The following TBC1D4 variants were observed in gnomAD, a reference collection of about 807,000 sequenced individuals.
TBC1D4 encodes the protein TBC (Tre-2, BUB2, CDC16) domain-containing protein.
A neutral mutation model predicts 142.5 loss-of-function variants in TBC1D4; 121 were observed. The ratio of observed to expected loss-of-function variants is 0.85; its 90% confidence interval spans 0.73 to 0.99. The LOEUF (loss-of-function observed/expected upper bound fraction) is 0.99. TBC1D4 is among the 50% of genes least tolerant of loss of function. The probability of loss-of-function intolerance (pLI) is 0.00; values close to 1 mark genes in which losing one functional copy is unlikely to be tolerated. For synonymous variants in TBC1D4, 630 were observed against 628.2 expected, an observed-to-expected ratio of 1.00 and a Z score of -0.04; for missense variants, 1,475 against 1,606.6, an observed-to-expected ratio of 0.92 and a Z score of 1.40.
At chr13:75,373,825 C>T (rs191525916) in intron 1 of TBC1D4, among the ~76,000 whole-genome samples, 190 of 152,286 alleles carry the variant, frequency 1.2e-3, no homozygotes, top group African/African-American at 4.2e-3. Context: ...GAAAGGTATG[C>T]TTCTTTGTTC....
chr13:75,468,305 C>T (rs769345826), intron 1 of TBC1D4, among the ~76,000 whole-genome samples: 16 of 152,200 alleles, frequency 1.1e-4, no homozygotes, highest in Non-Finnish European at 2.1e-4. Flanking sequence ...TTCTCAAGCA[C>T]TGTGTTACTA....
At chr13:75,410,133 A>G in intron 1 of TBC1D4, among the ~76,000 whole-genome samples, 2 of 152,346 alleles carry the variant, frequency 1.3e-5, no homozygotes, top group African/African-American at 4.8e-5. Flanking sequence ...ATAACGGTGT[A>G]TGCTCATGAT....
chr13:75,352,036 G>A (rs1881647308), intron 4 of TBC1D4, among the ~76,000 whole-genome samples: 1 of 152,088 alleles, frequency 6.6e-6, no homozygotes, highest in African/African-American at 2.4e-5. Context: ...TATACTTCTT[G>A]TCCCTAGGCT....
intron 4 of TBC1D4, among the ~76,000 whole-genome samples, chr13:75,353,044 G>A (rs1404040227): frequency 6.6e-6 from 1 of 152,148 alleles, no homozygotes; most frequent in African/African-American, 2.4e-5. Flanking sequence ...CATGGTTTGA[G>A]AGATCCTAGC....
Position 75,362,029 on chromosome 13 carries a change from G to A in TBC1D4, c.1077C>T (p.Phe359=). 6.2e-7 allele frequency: 1 copy of A among 1,614,148 alleles called. No homozygotes were observed. The highest frequency in any genetic ancestry group is 8.5e-7 in the Non-Finnish European group (1 of 1,180,026). ...GACAGCGTCCGATCAGGTGTACCTG[G>A]AAGAGCATGGTCCTGTTCTTCTCCG... The part of the protein sequence containing the change: ...SDSEKNRTML[F]QVGRFEINLI... The change falls in exon 2 of 21, where the codon TTC becomes TTT. Residue 359 remains phenylalanine (F), a synonymous_variant. Transcript: ENST00000377636. The surrounding 1 kb of genome is among the most constrained non-coding windows in gnomAD (Gnocchi z 4.2).
At chr13:75,293,344 C>T (rs1235943189) in intron 18 of TBC1D4, among the ~76,000 whole-genome samples, 1 of 152,082 alleles carries the variant, frequency 6.6e-6, no homozygotes, top group Non-Finnish European at 1.5e-5. Flanking sequence ...TGCCAGTCTC[C>T]ATTGTTTTAT....
Position 75,289,122 on chromosome 13 carries a change from G to A in TBC1D4, c.3487-12C>T, listed in dbSNP as rs1018751819. 6 of 1,613,152 alleles carry A rather than the reference G, an allele frequency of 3.7e-6. No homozygotes were observed. Among genetic ancestry groups the A allele is most frequent in the African/African-American group, 1.3e-5 (1 of 74,826 alleles). On this transcript the variant is annotated splice_polypyrimidine_tract_variant and intron_variant, in intron 19 of 20. Transcript: ENST00000377636. ...TCCATCTCAAAAACCTGCCATGAAAGTATCATGGGTTAGGCTAGCCTTTGG... is the reference window on the plus strand; with the variant it reads ...TCCATCTCAAAAACCTGCCATGAAAATATCATGGGTTAGGCTAGCCTTTGG...
At chr13:75,464,546 G>A (rs1888093198) in intron 1 of TBC1D4, among the ~76,000 whole-genome samples, 1 of 152,210 alleles carries the variant, frequency 6.6e-6, no homozygotes, top group East Asian at 1.9e-4. Flanking sequence ...GTAAAACTCT[G>A]TTCAGGGCTC....
chr13:75,355,622 G>C (rs1455802116), intron 4 of TBC1D4, among the ~76,000 whole-genome samples: 1 of 152,156 alleles, frequency 6.6e-6, no homozygotes, highest in African/African-American at 2.4e-5. Flanking sequence ...GAGTAGGAGA[G>C]GGGTAGTATT....
At chr13:75,329,755 T>C (rs1879590683) in intron 8 of TBC1D4, among the ~76,000 whole-genome samples, 1 of 152,218 alleles carries the variant, frequency 6.6e-6, no homozygotes, top group Non-Finnish European at 1.5e-5. Context: ...ATTCTATGCT[T>C]GTATTTCACT....
At chr13:75,428,418 T>C (rs1373082727) in intron 1 of TBC1D4, among the ~76,000 whole-genome samples, 5 of 152,222 alleles carry the variant, frequency 3.3e-5, no homozygotes, top group African/African-American at 4.8e-5. Context: ...TAAACTTTTG[T>C]TAGTCATATT....
Position 75,324,401 on chromosome 13 carries a change from G to C in TBC1D4, c.2034C>G (p.Ser678Arg). The change falls in exon 11 of 21, where the codon AGC becomes AGG. Residue 678 changes from serine to arginine, a missense_variant and splice_region_variant. Ser to Arg is a moderately radical substitution (Grantham distance 110). Coordinates refer to ENST00000377636, the MANE Select transcript of TBC1D4 (RefSeq NM_014832.5). ...LLRQSSSEQC[S>R]NLSSVRRMYK... The stretch of plus-strand genomic sequence containing the variant: ...ACATGCGTCGAACTGACGAAAGATT[G>C]CTGAGTACAGAAAATACAGCAAATA... The C allele has an allele frequency of 6.2e-7, 1 of 1,613,824 alleles. No homozygotes were observed. The highest frequency in any genetic ancestry group is 8.5e-7 in the Non-Finnish European group (1 of 1,179,790).
intron 19 of TBC1D4, among the ~76,000 whole-genome samples, chr13:75,289,788 T>G (rs1875086072): frequency 6.6e-6 from 1 of 152,124 alleles, no homozygotes; most frequent in Non-Finnish European, 1.5e-5. Flanking sequence ...AATAGGAAGG[T>G]CGTTTGCTTT....
intron 1 of TBC1D4, among the ~76,000 whole-genome samples, chr13:75,407,234 G>A (rs1656434848): frequency 6.6e-6 from 1 of 152,174 alleles, no homozygotes; most frequent in African/African-American, 2.4e-5. Flanking sequence ...TTATCTGAGT[G>A]TTTACTAATG....
At chr13:75,370,105 A>G (rs994190212) in intron 1 of TBC1D4, among the ~76,000 whole-genome samples, 3 of 152,176 alleles carry the variant, frequency 2.0e-5, no homozygotes, top group Admixed American at 6.5e-5. Context: ...AGCAATATAA[A>G]TATCAGAGGG....
chr13:75,447,453 T>C (rs557760309), intron 1 of TBC1D4, among the ~76,000 whole-genome samples: 1 of 151,966 alleles, frequency 6.6e-6, no homozygotes, highest in South Asian at 2.1e-4. Context: ...AAGGCTGCGA[T>C]GCTGTAGGGA....
intron 1 of TBC1D4, among the ~76,000 whole-genome samples, chr13:75,430,654 C>T (rs1204146161): frequency 1.3e-5 from 2 of 152,174 alleles, no homozygotes; most frequent in East Asian, 3.8e-4. Context: ...TCACAACTTG[C>T]CAAATGTTTA....
chr13:75,366,532 A>G (rs541541396), intron 1 of TBC1D4, among the ~76,000 whole-genome samples: 2 of 152,324 alleles, frequency 1.3e-5, no homozygotes, highest in African/African-American at 2.4e-5. Flanking sequence ...ACAGGAATCA[A>G]TTCAACAGAA....
intron 1 of TBC1D4, among the ~76,000 whole-genome samples, chr13:75,386,524 G>T (rs781671752): frequency 6.6e-6 from 1 of 151,720 alleles, no homozygotes; most frequent in Non-Finnish European, 1.5e-5. Flanking sequence ...GAGTAGCTGG[G>T]ACTACAGGCA....
Sources: allele counts gnomAD v4.1 joint callset (sites outside exome capture counted in the v4.1 genomes callset), GRCh38; gene constraint gnomAD v4.1.1; non-coding constraint Gnocchi (gnomAD v3.1); transcripts MANE v1.5; gene names NCBI Gene and HGNC (gene_info 2026-07-23, HGNC 2026-07-21).